Variants in XKR4 observed in about 807,000 individuals in gnomAD.
The protein encoded by XKR4 is XK related 4, also known as XK-related protein 4.
A neutral mutation model predicts 53.9 loss-of-function variants in XKR4; 12 were observed. The observed-to-expected ratio is 0.22, with a 90% CI of 0.14 to 0.36. The LOEUF is 0.36. XKR4 is among the 10% of genes least tolerant of loss of function. The pLI, the probability that XKR4 is intolerant of heterozygous loss-of-function variation, is 1.00. For missense variants in XKR4, 799 were observed against 859.5 expected, an observed-to-expected ratio of 0.93 and a Z score of 0.88; for synonymous variants, 354 against 362.4, an observed-to-expected ratio of 0.98 and a Z score of 0.26.
At chr8:55,191,538 G>T (rs984300941) in intron 1 of XKR4, among the ~76,000 whole-genome samples, 1 of 152,030 alleles carries the variant, frequency 6.6e-6, no homozygotes, top group African/African-American at 2.4e-5. Context: ...CACTGAAATG[G>T]TCTGATGGAT....
intron 2 of XKR4, among the ~76,000 whole-genome samples, chr8:55,367,492 A>G (rs979170998): frequency 1.3e-5 from 2 of 152,162 alleles, no homozygotes; most frequent in South Asian, 4.1e-4. Context: ...CATACCTAAG[A>G]GTGAAATTGC....
chr8:55,326,565 G>A (rs1264263553), intron 1 of XKR4, among the ~76,000 whole-genome samples: 3 of 147,244 alleles, frequency 2.0e-5, no homozygotes. Flanking sequence ...CCACCTCCTG[G>A]ACTCAAGTGA....
At chr8:55,390,087 C>T (rs940011878) in intron 2 of XKR4, among the ~76,000 whole-genome samples, 5 of 152,188 alleles carry the variant, frequency 3.3e-5, no homozygotes, top group Non-Finnish European at 7.3e-5. Context: ...TCTCAATTTC[C>T]AGTAAGTTTG....
chr8:55,302,918 A>C (rs1213053454), intron 1 of XKR4, among the ~76,000 whole-genome samples: 1 of 152,030 alleles, frequency 6.6e-6, no homozygotes, highest in Admixed American at 6.6e-5. Flanking sequence ...GGATTTTCTA[A>C]ATATACAATC....
At chr8:55,274,580 G>A (rs190970544) in intron 1 of XKR4, among the ~76,000 whole-genome samples, 4 of 151,934 alleles carry the variant, frequency 2.6e-5, no homozygotes, top group South Asian at 2.1e-4. Context: ...CTACAGGCTC[G>A]CACCACCACA....
intron 2 of XKR4, among the ~76,000 whole-genome samples, chr8:55,480,654 C>G (rs1480930805): frequency 6.6e-6 from 1 of 151,770 alleles, no homozygotes; most frequent in East Asian, 1.9e-4. Flanking sequence ...TAGAAAACCC[C>G]ATCGTCTCAG....
At chr8:55,272,806 T>C in intron 1 of XKR4, 1 of 402,794 alleles carries the variant, frequency 2.5e-6, no homozygotes, top group Non-Finnish European at 4.8e-6. Context: ...TAATTTATTC[T>C]GTCCTTTAAA....
intron 2 of XKR4, among the ~76,000 whole-genome samples, chr8:55,394,673 C>T (rs1040835697): frequency 6.6e-6 from 1 of 152,162 alleles, no homozygotes; most frequent in African/African-American, 2.4e-5. Context: ...ACACAAGTTT[C>T]ACCAGCTATT....
At chr8:55,338,954 A>C (rs1803502710) in intron 1 of XKR4, among the ~76,000 whole-genome samples, 5 of 152,238 alleles carry the variant, frequency 3.3e-5, no homozygotes, top group African/African-American at 9.6e-5. Context: ...GCTGTTGACC[A>C]GTAGATAGTT....
chr8:55,500,397 G>A lies in XKR4; in HGVS notation c.1007-22884G>A, dbSNP rs113130566. On this transcript the variant is annotated intron_variant, in intron 2 of 2. Transcript: ENST00000327381. ...TCCCTGAGATTGTCATCAAAGATAG[G>A]TGAATGTCATTATGATGCTTATTTT... 4.8e-3 allele frequency among the ~76,000 whole-genome samples: 727 copies of A among 152,164 alleles called. 7 individuals are homozygous for A. Among genetic ancestry groups the A allele is most frequent in the African/African-American group, 0.016 (671 of 41,498 alleles).
Position 55,526,709 on chromosome 8 carries a change from C to T in XKR4, c.*2482C>T, listed in dbSNP as rs1408344796. ...CAGATTACAGTCTAATAGAGTCAATCAATCAACACAAACCCAACAGGCCCC... is the reference window on the plus strand; with the variant it reads ...CAGATTACAGTCTAATAGAGTCAATTAATCAACACAAACCCAACAGGCCCC... On this transcript the variant is annotated 3_prime_UTR_variant, in exon 3 of 3. Transcript: ENST00000327381. The T allele has an allele frequency of 6.6e-6, 1 of 152,182 alleles. No individual in the cohort carries two copies. Among genetic ancestry groups the T allele is most frequent in the African/African-American group, 2.4e-5 (1 of 41,448 alleles). 9.4% of individuals were successfully genotyped at this position (152,182 alleles called of 1,614,324 possible).
intron 2 of XKR4, among the ~76,000 whole-genome samples, chr8:55,457,645 C>G (rs1283399507): frequency 1.3e-5 from 2 of 152,170 alleles, no homozygotes; most frequent in Admixed American, 6.5e-5. Context: ...ATAAAACATT[C>G]CCAGACAGAA....
At chr8:55,111,981 A>G (rs1300098339) in intron 1 of XKR4, among the ~76,000 whole-genome samples, 1 of 152,212 alleles carries the variant, frequency 6.6e-6, no homozygotes, top group Non-Finnish European at 1.5e-5. Flanking sequence ...GCACTCTGCT[A>G]GAAGAACAGA....
At chr8:55,316,265 A>G (rs1222071972) in intron 1 of XKR4, among the ~76,000 whole-genome samples, 1 of 152,186 alleles carries the variant, frequency 6.6e-6, no homozygotes, top group Non-Finnish European at 1.5e-5. Flanking sequence ...AATCTTCCAC[A>G]TCTTGTGACC....
chr8:55,276,650 GACA>G (rs1818768085), intron 1 of XKR4, among the ~76,000 whole-genome samples: 1 of 152,174 alleles, frequency 6.6e-6, no homozygotes, highest in Admixed American at 6.5e-5. Flanking sequence ...CTATGAAACA[GACA>G]ACAATTTTTC....
intron 1 of XKR4, among the ~76,000 whole-genome samples, chr8:55,255,299 A>C (rs1818422004): frequency 6.6e-6 from 1 of 152,180 alleles, no homozygotes; most frequent in Non-Finnish European, 1.5e-5. Context: ...GTCAGAAATA[A>C]AGAAAAAACA....
At chr8:55,397,585 G>GTTT (rs11405803) in intron 2 of XKR4, among the ~76,000 whole-genome samples, 66 of 148,192 alleles carry the variant, frequency 4.5e-4, no homozygotes, top group Middle Eastern at 6.9e-3. Flanking sequence ...GAAGTTCAAT[G>GTTT]TTTTTTTTTT....
Position 55,523,742 on chromosome 8 carries a change from C to T in XKR4, c.1468C>T (p.Pro490Ser). Residue 490 changes from proline (P) to serine (S), a missense_variant, in exon 3 of 3, where the codon CCA (proline) becomes TCA (serine). Physicochemically the swap from Pro to Ser is moderately conservative, Grantham distance 74. Around this residue, in one of 3 missense-constraint regions of XKR4, gnomAD observed 269 missense variants for 264.4 expected, o/e 1.02. Transcript: ENST00000327381. ...CCAGATTGCAGACGCATTTGCCATT[C>T]CAGCGCTGTGTGTGGTGTTCAGCAG... is the stretch of plus-strand genomic sequence containing the variant. ...APQIADAFAI[P>S]ALCVVFSSFL... The T allele has an allele frequency of 6.2e-7, 1 of 1,614,190 alleles. No homozygotes were observed. The highest frequency in any genetic ancestry group is 8.5e-7 in the Non-Finnish European group (1 of 1,180,038).
At chr8:55,278,230 G>A (rs976365580) in intron 1 of XKR4, among the ~76,000 whole-genome samples, 1 of 151,666 alleles carries the variant, frequency 6.6e-6, no homozygotes, top group South Asian at 2.1e-4. Flanking sequence ...CCAGCTTCTC[G>A]GGAAGCTGGG....
Sources: gnomAD v4.1 joint callset for allele counts (sites outside exome capture counted in the v4.1 genomes callset) on GRCh38, gnomAD v4.1.1 for gene constraint, gnomAD v4.1.1 regional missense constraint, MANE v1.5 for transcripts, NCBI Gene and HGNC (gene_info 2026-07-23, HGNC 2026-07-21) for gene names.